Variants in PDE2A observed in about 807,000 individuals in gnomAD.
PDE2A encodes phosphodiesterase 2A, also known as cGMP-dependent 3',5'-cyclic phosphodiesterase.
PDE2A carries 53 observed loss-of-function variants against 133.6 expected under a neutral mutation model. The ratio of observed to expected loss-of-function variants is 0.40; its 90% CI spans 0.32 to 0.50. The LOEUF is 0.50. PDE2A is among the 20% of genes least tolerant of loss of function. The pLI is 0.73. For synonymous variants in PDE2A, 491 were observed against 490.2 expected, an observed-to-expected ratio of 1.00 and a Z score of -0.02; for missense variants, 796 against 1,232.4, an observed-to-expected ratio of 0.65 and a Z score of 5.30.
intron 2 of PDE2A, among the ~76,000 whole-genome samples, chr11:72,624,570 G>A (rs754602070): frequency 5.9e-5 from 9 of 152,012 alleles, no homozygotes; most frequent in Non-Finnish European, 1.3e-4. Flanking sequence ...TCAGACACTC[G>A]AGCCACAGAC....
In PDE2A at chr11:72,576,387, G is replaced by A. The variant is rs1449614337; in HGVS notation, c.*997C>T. On this transcript the variant is annotated 3_prime_UTR_variant, in exon 31 of 31. Coordinates refer to ENST00000334456, the MANE Select transcript of PDE2A (RefSeq NM_002599.5). ...GTCTCCCAAGCCCCAGGGCACAGGT[G>A]GATATGGCCTTGAAGAGAGAGCCCT... The A allele has an allele frequency of 1.3e-5, 2 of 152,246 alleles. No homozygotes were observed. Among genetic ancestry groups the A allele is most frequent in the Admixed American group, 1.3e-4 (2 of 15,282 alleles). The allele number at this position is 152,246 out of a possible 1,614,324, so 9.4% of individuals were successfully genotyped here.
chr11:72,668,971 G>A, intron 1 of PDE2A: 1 of 1,003,160 alleles, frequency 1.0e-6, no homozygotes, highest in Non-Finnish European at 1.2e-6. Flanking sequence ...TTCTGAAAGT[G>A]TGGCTGATCG....
In PDE2A at chr11:72,580,991, A is replaced by G; in HGVS notation, c.2046-18T>C. 1.9e-6 allele frequency: 3 copies of G among 1,576,970 alleles called. No homozygotes were observed. Among genetic ancestry groups the G allele is most frequent in the Non-Finnish European group, 2.6e-6 (3 of 1,146,252 alleles). On this transcript the variant is annotated intron_variant, in intron 23 of 30. Coordinates refer to ENST00000334456, the MANE Select transcript of PDE2A (RefSeq NM_002599.5). ...CGATGTCCCTGGTTGAGAGGCAGAA[A>G]GGAGAAAAAAAAGAGGTCAGCCCAC...
intron 2 of PDE2A, among the ~76,000 whole-genome samples, chr11:72,628,067 C>A (rs941906559): frequency 4.6e-5 from 7 of 152,192 alleles, no homozygotes; most frequent in African/African-American, 1.7e-4. Flanking sequence ...CCAGCCAGTG[C>A]CAGGAGAGTG....
chr11:72,661,024 G>A (rs141399001), intron 1 of PDE2A, among the ~76,000 whole-genome samples: 1 of 152,128 alleles, frequency 6.6e-6, no homozygotes, highest in East Asian at 1.9e-4. Flanking sequence ...GTCTTCTGAG[G>A]TCAGGTGCAG....
At position 72,586,066 on chromosome 11, in the gene PDE2A, T is replaced by C; in HGVS notation, c.1182+4A>G. 1 of 1,569,744 alleles carries C rather than the reference T, an allele frequency of 6.4e-7. No homozygotes were observed. The highest frequency in any genetic ancestry group is 8.7e-7 in the Non-Finnish European group (1 of 1,143,662). On this transcript the variant is annotated splice_donor_region_variant and intron_variant, in intron 14 of 30. Transcript: ENST00000334456. ...CCGAGAGAGGCTGAAGGCAGGTCAC[T>C]CACCTGGCACTCACACTTGAGTTTC...
intron 2 of PDE2A, among the ~76,000 whole-genome samples, chr11:72,612,589 A>G (rs1368060242): frequency 6.6e-6 from 1 of 151,824 alleles, no homozygotes; most frequent in African/African-American, 2.4e-5. Context: ...TCTGCAGCAT[A>G]TAGTTCTATG....
intron 2 of PDE2A, among the ~76,000 whole-genome samples, chr11:72,624,585 G>A (rs964950113): frequency 2.0e-5 from 3 of 152,134 alleles, no homozygotes; most frequent in African/African-American, 7.2e-5. Context: ...ACAGACTCAG[G>A]ACCATACCTG....
chr11:72,598,569 T>C, intron 4 of PDE2A: 2 of 1,289,154 alleles, frequency 1.6e-6, no homozygotes, highest in Non-Finnish European at 2.0e-6. Flanking sequence ...TCATCCCTCA[T>C]GCTGCCTCCA....
chr11:72,585,016 G>T, intron 16 of PDE2A, 72 bp from the exon 17 acceptor site: 1 of 1,464,962 alleles, frequency 6.8e-7, no homozygotes, highest in Non-Finnish European at 9.6e-7. Context: ...CCATAAGGAG[G>T]CAAAGGCCGG....
chr11:72,585,158 T>C, intron 16 of PDE2A: 1 of 635,022 alleles, frequency 1.6e-6, no homozygotes. Flanking sequence ...CCAGGCACTG[T>C]GATAGGAGCT....
chr11:72,609,851 A>T (rs1269734952), intron 2 of PDE2A, among the ~76,000 whole-genome samples: 6 of 151,962 alleles, frequency 3.9e-5, no homozygotes, highest in African/African-American at 1.4e-4. Flanking sequence ...ACATGATATG[A>T]GGTTGAGGGT....
intron 2 of PDE2A, among the ~76,000 whole-genome samples, chr11:72,627,617 C>A (rs1239865351): frequency 9.2e-5 from 14 of 152,286 alleles, no homozygotes; most frequent in South Asian, 8.3e-4. Flanking sequence ...CATGAGGGGA[C>A]CCAGCAGGCA....
intron 2 of PDE2A, among the ~76,000 whole-genome samples, chr11:72,628,521 A>G (rs944512575): frequency 3.3e-5 from 5 of 152,128 alleles, no homozygotes; most frequent in African/African-American, 9.7e-5. Context: ...TAGTAGAGAC[A>G]GGTTTCACCC....
At chr11:72,603,926 C>G (rs191880389) in intron 4 of PDE2A, among the ~76,000 whole-genome samples, 169 of 152,330 alleles carry the variant, frequency 1.1e-3, no homozygotes, top group Non-Finnish European at 2.2e-3. Context: ...GGAGGGGCCT[C>G]AGGACCATGA....
At chr11:72,584,411 A>C (rs778978116) in intron 18 of PDE2A, 98 bp from the exon 19 acceptor site, 1 of 1,247,602 alleles carries the variant, frequency 8.0e-7, no homozygotes, top group Non-Finnish European at 1.2e-6. Flanking sequence ...TCCGCAGGTT[A>C]CGTACGTCCC....
intron 13 of PDE2A, among the ~76,000 whole-genome samples, chr11:72,587,613 C>T (rs1393779739): frequency 6.6e-6 from 1 of 152,216 alleles, no homozygotes; most frequent in African/African-American, 2.4e-5. Context: ...CTCTACCTTC[C>T]CTTCCCCAAA....
intron 2 of PDE2A, among the ~76,000 whole-genome samples, chr11:72,632,529 G>A (rs1239173584): frequency 3.3e-5 from 5 of 152,126 alleles, no homozygotes; most frequent in African/African-American, 9.7e-5. Context: ...GTAGGGCCTG[G>A]TATGCACTGG....
chr11:72,581,237 G>A (rs1167065604), intron 23 of PDE2A, 120 bp downstream of exon 23: 13 of 1,044,178 alleles, frequency 1.2e-5, no homozygotes, highest in Non-Finnish European at 1.9e-5. Flanking sequence ...CTAGTCCCCT[G>A]GGGCTAAGAA....
Sources: allele counts gnomAD v4.1 joint callset (sites outside exome capture counted in the v4.1 genomes callset), GRCh38; gene constraint gnomAD v4.1.1; transcripts MANE v1.5; gene names NCBI Gene and HGNC (gene_info 2026-07-23, HGNC 2026-07-21).